The following KSR2 variants were observed in gnomAD, a reference collection of about 807,000 sequenced individuals.
The protein encoded by KSR2 is kinase suppressor of ras 2.
Under a neutral mutation model 107.8 loss-of-function variants are expected in KSR2, and 25 were observed. The ratio of observed to expected loss-of-function variants is 0.23; its 90% CI spans 0.17 to 0.32. KSR2 has a LOEUF of 0.32. Among genes scored for constraint, KSR2 ranks in the 10% least tolerant of loss-of-function variants. The pLI is 1.00. For synonymous variants in KSR2, 480 were observed against 507.0 expected (o/e 0.95, Z 0.71); for missense variants, 887 against 1,268.9 (o/e 0.70, Z 4.57).
intron 1 of KSR2, among the ~76,000 whole-genome samples, chr12:117,937,971 GAAAAAAA>G (rs771959105): frequency 1.7e-4 from 9 of 53,962 alleles, no homozygotes; most frequent in Non-Finnish European, 3.2e-4. Flanking sequence ...TCTGTCTCAA[GAAAAAAA>G]AAAAAAAAAA....
At chr12:117,664,192 G>GC (rs1231759852) in intron 5 of KSR2, among the ~76,000 whole-genome samples, 6 of 152,090 alleles carry the variant, frequency 3.9e-5, no homozygotes, top group Non-Finnish European at 7.4e-5. Flanking sequence ...AGTAGGGTAA[G>GC]CCCCAAGAAG....
chr12:117,855,409 G>A lies in KSR2; in HGVS notation c.472+19C>T, dbSNP rs746390435. ...GCTGGGGACAAGTCTCCACATCCCC[G>A]ACCCCGGGGCCTGCTCACCTGACAT... On this transcript the variant is annotated intron_variant, in intron 3 of 19. Transcript: ENST00000339824. 51 of 1,613,700 alleles carry A rather than the reference G, an allele frequency of 3.2e-5. No homozygotes were observed. In the East Asian group the frequency reaches 4.9e-4, roughly 16 times the overall value.
chr12:117,541,665 T>G (rs1482421060), intron 9 of KSR2, among the ~76,000 whole-genome samples: 3 of 152,038 alleles, frequency 2.0e-5, no homozygotes, highest in Admixed American at 2.0e-4. Context: ...GGTCAACAGG[T>G]ATGCTTATCT....
At chr12:117,554,912 G>A (rs1193195677) in intron 9 of KSR2, among the ~76,000 whole-genome samples, 2 of 152,114 alleles carry the variant, frequency 1.3e-5, no homozygotes, top group African/African-American at 2.4e-5. Flanking sequence ...CCTCCCATCC[G>A]TTGTGCCTTC....
At chr12:117,769,655 G>C (rs1275596588) in intron 3 of KSR2, among the ~76,000 whole-genome samples, 1 of 152,194 alleles carries the variant, frequency 6.6e-6, no homozygotes, top group Non-Finnish European at 1.5e-5. Context: ...AAATGTTCAT[G>C]TACAAAGAGT....
chr12:117,603,381 A>G (rs1202499095), intron 5 of KSR2, among the ~76,000 whole-genome samples: 2 of 152,254 alleles, frequency 1.3e-5, no homozygotes, highest in Non-Finnish European at 1.5e-5. Context: ...CCCTATGCAC[A>G]GAACTTACAG....
chr12:117,755,220 G>A (rs1272497385), intron 4 of KSR2, among the ~76,000 whole-genome samples: 1 of 152,172 alleles, frequency 6.6e-6, no homozygotes, highest in Non-Finnish European at 1.5e-5. Flanking sequence ...GGGGTAAAAA[G>A]AAAAGGACAC....
intron 4 of KSR2, among the ~76,000 whole-genome samples, chr12:117,722,375 G>A (rs1351346270): frequency 6.6e-6 from 1 of 152,132 alleles, no homozygotes. Context: ...CTACTGGGCG[G>A]CATTCCCGGA....
At chr12:117,748,786 T>A (rs1888506493) in intron 4 of KSR2, among the ~76,000 whole-genome samples, 1 of 152,126 alleles carries the variant, frequency 6.6e-6, no homozygotes, top group South Asian at 2.1e-4. Flanking sequence ...TTAATTTAGG[T>A]TCCCCCAAAA....
At chr12:117,498,282 T>C (rs920673060) in intron 14 of KSR2, among the ~76,000 whole-genome samples, 4 of 152,130 alleles carry the variant, frequency 2.6e-5, no homozygotes, top group Non-Finnish European at 5.9e-5. Flanking sequence ...GACTACCCCA[T>C]TCCAACTCTA....
intron 1 of KSR2, among the ~76,000 whole-genome samples, chr12:117,912,856 A>C (rs1895060596): frequency 1.3e-5 from 2 of 152,210 alleles, no homozygotes; most frequent in South Asian, 4.1e-4. Context: ...GAAGACGGCA[A>C]GTAGGGACCC....
At chr12:117,898,075 T>C (rs1421713052) in intron 1 of KSR2, among the ~76,000 whole-genome samples, 12 of 152,170 alleles carry the variant, frequency 7.9e-5, no homozygotes, top group Non-Finnish European at 8.8e-5. Context: ...TCCAGCCTCC[T>C]GCCCATCAAC....
At chr12:117,816,451 A>G (rs2137064450) in intron 3 of KSR2, among the ~76,000 whole-genome samples, 1 of 152,292 alleles carries the variant, frequency 6.6e-6, no homozygotes, top group African/African-American at 2.4e-5. Context: ...ACAGCATAAG[A>G]AAAAGGTTAC....
At chr12:117,736,884 T>C (rs1887968381) in intron 4 of KSR2, among the ~76,000 whole-genome samples, 1 of 151,458 alleles carries the variant, frequency 6.6e-6, no homozygotes, top group South Asian at 2.1e-4. Flanking sequence ...GAAATTGCAA[T>C]TGCGATGAGC....
chr12:117,645,826 C>T (rs913372004), intron 5 of KSR2, among the ~76,000 whole-genome samples: 2 of 151,584 alleles, frequency 1.3e-5, no homozygotes, highest in African/African-American at 4.9e-5. Context: ...GAATACAGCA[C>T]TGAAAAACAA....
rs1870489617 is a variant in KSR2 at position 117,454,332 on chromosome 12, A to G, written c.*12867T>C. On this transcript the variant is annotated 3_prime_UTR_variant, in exon 20 of 20. Transcript: ENST00000339824. ...GAAAGTGTTGATGAAATCATTATCC[A>G]CAATAGACAGTGGCTCAAGAAATGC... is the stretch of plus-strand genomic sequence containing the variant. 1 of 152,240 alleles carries G rather than the reference A, an allele frequency of 6.6e-6. No homozygotes were observed. 9.4% of individuals were successfully genotyped at this position (152,240 alleles called of 1,614,324 possible).
chr12:117,811,687 A>G (rs564859566), intron 3 of KSR2, among the ~76,000 whole-genome samples: 1 of 152,338 alleles, frequency 6.6e-6, no homozygotes, highest in Non-Finnish European at 1.5e-5. Flanking sequence ...TATGTGACAG[A>G]GTTTACCGGG....
chr12:117,727,536 AGAG>A (rs1342628281), intron 4 of KSR2, among the ~76,000 whole-genome samples: 12 of 151,766 alleles, frequency 7.9e-5, no homozygotes, highest in Admixed American at 5.9e-4. Flanking sequence ...GAAAGGAGGA[AGAG>A]GAGGAGGAGG....
Position 117,527,120 on chromosome 12 carries a change from C to T in KSR2, c.1803-1G>A. On this transcript the variant is annotated splice_acceptor_variant, in intron 12 of 19. Coordinates refer to ENST00000339824, the MANE Select transcript of KSR2 (RefSeq NM_173598.6). LOFTEE classifies it high-confidence loss of function. ...TTGAAGTAATGGATTTCCTTCCAAG[C>T]TGTAAAGAAAGAAAAATAAACGTGA... 6.2e-7 allele frequency: 1 copy of T among 1,612,488 alleles called. No individual in the cohort carries two copies. The highest frequency in any genetic ancestry group is 8.5e-7 in the Non-Finnish European group (1 of 1,178,628).
Sources: allele counts gnomAD v4.1 joint callset (sites outside exome capture counted in the v4.1 genomes callset), GRCh38; gene constraint gnomAD v4.1.1; transcripts MANE v1.5; gene names NCBI Gene and HGNC (gene_info 2026-07-23, HGNC 2026-07-21).